Variants in FRMPD4 observed in about 807,000 individuals in gnomAD.
FRMPD4 encodes the protein FERM and PDZ domain containing 4, also known as FERM and PDZ domain-containing protein 4.
In FRMPD4, 22 loss-of-function variants were observed where a neutral mutation model predicts 94.1. The ratio of observed to expected loss-of-function variants is 0.23; its 90% CI spans 0.17 to 0.33. The LOEUF (loss-of-function observed/expected upper bound fraction) is 0.33. Ranked by LOEUF, FRMPD4 falls within the 10% of genes least tolerant of loss-of-function variation. The pLI, the probability that FRMPD4 is intolerant of heterozygous loss-of-function variation, is 1.00. For missense variants in FRMPD4, 1,111 were observed against 1,339.9 expected (o/e 0.83, Z 2.67); for synonymous variants, 631 against 548.6 (o/e 1.15, Z -2.10).
chrX:12,708,994 G>A (rs2041931882), intron 13 of FRMPD4: 1 of 113,835 alleles, frequency 8.8e-6, no homozygotes, highest in Non-Finnish European at 1.9e-5. Flanking sequence ...GAGCAAAGAG[G>A]CTGAGAGAAA....
At chrX:12,424,518 C>G (rs2056923678) in intron 1 of FRMPD4, among the ~76,000 whole-genome samples, 1 of 112,549 alleles carries the variant, frequency 8.9e-6, no homozygotes. Context: ...GCTTATCAAA[C>G]TTTAATGAGC....
At position 12,220,854 on chromosome X, in the gene FRMPD4, A is replaced by T. The variant is rs148712935; in HGVS notation, c.41+81842A>T. Reference sequence around the variant, plus strand: ...TTTATTCCCAAAAGCCTATATATTCATATTGCCAATTACTTGAATATTATT... The same window carrying T: ...TTTATTCCCAAAAGCCTATATATTCTTATTGCCAATTACTTGAATATTATT... On this transcript the variant is annotated intron_variant, in intron 1 of 16. Coordinates refer to ENST00000675598, the MANE Select transcript of FRMPD4 (RefSeq NM_001368397.1). 4.6e-3 allele frequency among the ~76,000 whole-genome samples: 514 copies of T among 112,136 alleles called. 2 individuals carry two copies. Among genetic ancestry groups the T allele is most frequent in the African/African-American group, 0.016 (480 of 30,874 alleles).
At chrX:12,420,761 A>G (rs867225102) in intron 1 of FRMPD4, among the ~76,000 whole-genome samples, 3 of 112,479 alleles carry the variant, frequency 2.7e-5, no homozygotes, top group Middle Eastern at 4.6e-3. Flanking sequence ...GCGTTTGTCA[A>G]TCCACACATG....
At chrX:12,284,661 T>A (rs2054574062) in intron 1 of FRMPD4, among the ~76,000 whole-genome samples, 1 of 111,823 alleles carries the variant, frequency 8.9e-6, no homozygotes, top group African/African-American at 3.3e-5. Flanking sequence ...CCCATTTCCA[T>A]ACCAACCCCC....
chrX:12,411,617 C>T (rs767216268), intron 1 of FRMPD4, among the ~76,000 whole-genome samples: 1 of 112,161 alleles, frequency 8.9e-6, no homozygotes, highest in East Asian at 2.8e-4. Context: ...TATAAGACAT[C>T]CTGTTGTTAA....
At chrX:12,446,606 T>C (rs2057198498) in intron 1 of FRMPD4, among the ~76,000 whole-genome samples, 1 of 111,049 alleles carries the variant, frequency 9.0e-6, no homozygotes, top group Admixed American at 9.5e-5. Flanking sequence ...AGTGAATAAG[T>C]CTCATGAGAG....
intron 1 of FRMPD4, among the ~76,000 whole-genome samples, chrX:12,241,032 A>G (rs1486759489): frequency 1.8e-5 from 2 of 112,343 alleles, no homozygotes; most frequent in Admixed American, 9.4e-5. Context: ...AGAGATTTTT[A>G]TATTACTAAA....
At chrX:12,282,790 A>G (rs1177674450) in intron 1 of FRMPD4, among the ~76,000 whole-genome samples, 1 of 112,036 alleles carries the variant, frequency 8.9e-6, no homozygotes, top group Non-Finnish European at 1.9e-5. Context: ...CCAGTCAGCC[A>G]CACAAACTTT....
intron 2 of FRMPD4, among the ~76,000 whole-genome samples, chrX:12,580,236 CTA>C (rs1189866385): frequency 4.5e-5 from 5 of 111,669 alleles, no homozygotes; most frequent in Non-Finnish European, 9.4e-5. Flanking sequence ...AATAGAAAAC[CTA>C]TAGTTTTTCT....
At chrX:12,053,346 GAAAGGAAAGAAAGAAGAAAGAAA>G (rs1569149719) in intron 3 of FRMPD4, among the ~76,000 whole-genome samples, 6 of 78,023 alleles carry the variant, frequency 7.7e-5, no homozygotes, top group African/African-American at 2.9e-4. Flanking sequence ...AAGAAAGAAA[GAAAGGAAAGAAAGAAGAAAGAAA>G]GAAAGAAAGA....
intron 1 of FRMPD4, among the ~76,000 whole-genome samples, chrX:12,331,332 T>G (rs975882350): frequency 9.5e-6 from 1 of 105,816 alleles, no homozygotes; most frequent in Non-Finnish European, 1.9e-5. Context: ...TGTCGACATA[T>G]TTCAGAAAAT....
chrX:11,921,341 C>G (rs1466603932), intron 3 of FRMPD4, among the ~76,000 whole-genome samples: 1 of 112,025 alleles, frequency 8.9e-6, no homozygotes, highest in African/African-American at 3.2e-5. Context: ...TTCCTGGTGT[C>G]TCTTCCTCTT....
chrX:12,616,109 ATG>A (rs1268176740), intron 4 of FRMPD4, among the ~76,000 whole-genome samples: 1 of 111,444 alleles, frequency 9.0e-6, no homozygotes, highest in African/African-American at 3.3e-5. Flanking sequence ...TATGGTCTGA[ATG>A]TTAGTGCCCC....
intron 14 of FRMPD4, 70 bp from the exon 15 acceptor site, chrX:12,715,999 C>CCGG: frequency 5.9e-6 from 2 of 337,361 alleles, no homozygotes; most frequent in Non-Finnish European, 1.1e-5. Flanking sequence ...CAGAGACGAG[C>CCGG]CTCCCACCCC....
At chrX:12,542,896 G>A (rs1204304165) in intron 2 of FRMPD4, among the ~76,000 whole-genome samples, 1 of 112,003 alleles carries the variant, frequency 8.9e-6, no homozygotes, top group Non-Finnish European at 1.9e-5. Flanking sequence ...CAGAGATACA[G>A]ACCAATGGAA....
At chrX:12,531,166 T>G (rs891003462) in intron 2 of FRMPD4, among the ~76,000 whole-genome samples, 2 of 112,166 alleles carry the variant, frequency 1.8e-5, no homozygotes, top group Admixed American at 1.9e-4. Flanking sequence ...CAAGAAAGAG[T>G]AGTTTCTTTG....
At chrX:12,615,633 G>A (rs1356143664) in intron 4 of FRMPD4, among the ~76,000 whole-genome samples, 1 of 110,972 alleles carries the variant, frequency 9.0e-6, no homozygotes, top group East Asian at 2.8e-4. Context: ...GGAGTGTTGA[G>A]GAATAAGGAG....
At chrX:12,696,801 G>T (rs1428222625) in intron 9 of FRMPD4, among the ~76,000 whole-genome samples, 1 of 111,688 alleles carries the variant, frequency 9.0e-6, no homozygotes, top group African/African-American at 3.3e-5. Flanking sequence ...ATCTTCAAAA[G>T]CTGGGTAGAA....
intron 1 of FRMPD4, among the ~76,000 whole-genome samples, chrX:12,403,709 T>C (rs913963966): frequency 2.7e-5 from 3 of 111,545 alleles, no homozygotes; most frequent in African/African-American, 6.5e-5. Flanking sequence ...TCCTTCAGAA[T>C]TGACCAGCAG....
Sources: gnomAD v4.1 joint callset for allele counts (sites outside exome capture counted in the v4.1 genomes callset) on GRCh38, gnomAD v4.1.1 for gene constraint, MANE v1.5 for transcripts, NCBI Gene and HGNC (gene_info 2026-07-23, HGNC 2026-07-21) for gene names.